Variants in ACACA observed in about 807,000 individuals in gnomAD.
The protein encoded by ACACA is acetyl-CoA carboxylase 1.
In ACACA, 103 loss-of-function variants were observed where a neutral mutation model predicts 296.1. The observed-to-expected ratio is 0.35, with a 90% confidence interval of 0.30 to 0.41. ACACA has a LOEUF of 0.41. Among genes scored for constraint, ACACA ranks in the 10% least tolerant of loss-of-function variants. The pLI, the probability that ACACA is intolerant of heterozygous loss-of-function variation, is 1.00. For missense variants in ACACA, 1,554 were observed against 2,989.7 expected (o/e 0.52, Z 11.20); for synonymous variants, 953 against 1,038.6 (o/e 0.92, Z 1.58).
intron 54 of ACACA, among the ~76,000 whole-genome samples, chr17:37,093,902 C>T (rs2072809471): frequency 6.6e-6 from 1 of 152,194 alleles, no homozygotes; most frequent in Admixed American, 6.5e-5. Flanking sequence ...ATAATATGCC[C>T]ATGCCAGTAA....
chr17:37,172,643 C>T (rs2076923237), intron 41 of ACACA, among the ~76,000 whole-genome samples: 1 of 152,068 alleles, frequency 6.6e-6, no homozygotes, highest in African/African-American at 2.4e-5. Context: ...TACTTAATCT[C>T]AAGGATTCAA....
At chr17:37,352,080 G>C (rs1360174462) in intron 1 of ACACA, among the ~76,000 whole-genome samples, 1 of 151,740 alleles carries the variant, frequency 6.6e-6, no homozygotes, top group East Asian at 1.9e-4. Context: ...ACAGGCGCCT[G>C]CCACCACATT....
chr17:37,152,489 C>T (rs2076084726), intron 43 of ACACA, among the ~76,000 whole-genome samples: 1 of 152,194 alleles, frequency 6.6e-6, no homozygotes, highest in Admixed American at 6.5e-5. Context: ...CCCATTCATA[C>T]TCCTTCATAA....
chr17:37,143,691 C>T (rs2075696368), intron 45 of ACACA: 1 of 909,960 alleles, frequency 1.1e-6, no homozygotes. Context: ...TATTCATCAT[C>T]ATCATCTTCT....
chr17:37,166,346 C>G (rs1336023051), intron 41 of ACACA, among the ~76,000 whole-genome samples: 1 of 151,890 alleles, frequency 6.6e-6, no homozygotes, highest in Non-Finnish European at 1.5e-5. Flanking sequence ...ACCATCTTGC[C>G]CAGGCTGGTC....
At chr17:37,366,767 A>G (rs2049620952) in intron 1 of ACACA, among the ~76,000 whole-genome samples, 1 of 149,092 alleles carries the variant, frequency 6.7e-6, no homozygotes, top group Admixed American at 6.6e-5. Context: ...GCACCTGGCC[A>G]CAATGTCACG....
intron 52 of ACACA, among the ~76,000 whole-genome samples, chr17:37,106,147 T>C (rs1017037376): frequency 7.8e-6 from 1 of 128,438 alleles, no homozygotes; most frequent in Non-Finnish European, 1.5e-5. Flanking sequence ...CATAGTAAGA[T>C]AGGTAAAAAA....
intron 1 of ACACA, among the ~76,000 whole-genome samples, chr17:37,352,037 T>TCTC (rs200813568): frequency 0.018 from 2,790 of 151,420 alleles, 61 homozygotes; most frequent in Admixed American, 0.079. Flanking sequence ...TTCATGCCAT[T>TCTC]CTCCTGCCTC....
chr17:37,130,994 C>T (rs1236693078), intron 45 of ACACA, among the ~76,000 whole-genome samples: 1 of 151,828 alleles, frequency 6.6e-6, no homozygotes. Flanking sequence ...ACACTGGCCT[C>T]CACGCACAAG....
chr17:37,192,583 A>G (rs539131666), intron 36 of ACACA, among the ~76,000 whole-genome samples: 82 of 152,076 alleles, frequency 5.4e-4, no homozygotes, highest in Non-Finnish European at 1.0e-3. Context: ...CAAACAAAAA[A>G]TCCTCAATTT....
intron 41 of ACACA, 135 bp from the exon 42 acceptor site, chr17:37,162,185 C>A (rs1249194286): frequency 1.1e-6 from 1 of 891,290 alleles, no homozygotes; most frequent in Non-Finnish European, 1.8e-6. Context: ...GCCAAACTCC[C>A]TGTGGGAAAC....
At chr17:37,268,805 ATTAGT>A (rs1053182717) in intron 10 of ACACA, among the ~76,000 whole-genome samples, 4 of 145,228 alleles carry the variant, frequency 2.8e-5, no homozygotes, top group African/African-American at 1.0e-4. Context: ...CAATGGGAGG[ATTAGT>A]TTATTCAGCC....
chr17:37,194,935 C>T (rs956619315), intron 35 of ACACA, among the ~76,000 whole-genome samples: 7 of 149,966 alleles, frequency 4.7e-5, no homozygotes, highest in Non-Finnish European at 1.0e-4. Flanking sequence ...TCTCTGACAC[C>T]CCCCCCACCC....
chr17:37,304,592 G>C (rs1205914098), intron 3 of ACACA, among the ~76,000 whole-genome samples: 1 of 152,058 alleles, frequency 6.6e-6, no homozygotes, highest in African/African-American at 2.4e-5. Context: ...TCAGGAGTTC[G>C]AGACCAGCCT....
At chr17:37,280,774 C>T (rs1296526280) in intron 5 of ACACA, among the ~76,000 whole-genome samples, 1 of 144,508 alleles carries the variant, frequency 6.9e-6, no homozygotes, top group African/African-American at 2.5e-5. Flanking sequence ...CCAAAAAACA[C>T]ATTCATTTAA....
chr17:37,226,249 TA>T, intron 26 of ACACA, 89 bp downstream of exon 26: 1 of 963,314 alleles, frequency 1.0e-6, no homozygotes. Context: ...ATGTTCTTTG[TA>T]AAGTGATTAA....
chr17:37,155,408 G>A (rs900870589), intron 43 of ACACA, among the ~76,000 whole-genome samples: 2 of 152,140 alleles, frequency 1.3e-5, no homozygotes, highest in Non-Finnish European at 2.9e-5. Flanking sequence ...ATCGTGGCCT[G>A]AAGGTGGGAT....
intron 8 of ACACA, chr17:37,274,540 A>G (rs998005472): frequency 3.4e-6 from 3 of 888,010 alleles, no homozygotes; most frequent in Middle Eastern, 5.7e-4. Context: ...AGCAACTTAT[A>G]AAAATGCAAA....
At chr17:37,329,858 T>C (rs1485852986) in intron 3 of ACACA, among the ~76,000 whole-genome samples, 1 of 151,892 alleles carries the variant, frequency 6.6e-6, no homozygotes, top group Admixed American at 6.6e-5. Flanking sequence ...GAAGAATTGC[T>C]TGAACCCAGG....
Sources: gnomAD v4.1 joint callset for allele counts (sites outside exome capture counted in the v4.1 genomes callset) on GRCh38, gnomAD v4.1.1 for gene constraint, MANE v1.5 for transcripts, NCBI Gene and HGNC (gene_info 2026-07-23, HGNC 2026-07-21) for gene names.